The following GRIN2B variants were observed in gnomAD, a reference collection of about 807,000 sequenced individuals.
The protein encoded by GRIN2B is glutamate ionotropic receptor NMDA type subunit 2B.
In GRIN2B, 5 loss-of-function variants were observed where a neutral mutation model predicts 114.5. The observed-to-expected ratio is 0.04, with a 90% confidence interval of 0.02 to 0.09. The LOEUF (loss-of-function observed/expected upper bound fraction) is 0.09. Ranked by LOEUF, GRIN2B falls within the 10% of genes least tolerant of loss-of-function variation. The probability of loss-of-function intolerance (pLI) is 1.00; values close to 1 mark genes in which losing one functional copy is unlikely to be tolerated. For synonymous variants in GRIN2B, 787 were observed against 745.1 expected (o/e 1.06, Z -0.92); for missense variants, 1,108 against 1,943.5 (o/e 0.57, Z 8.08).
Position 13,832,965 on chromosome 12 carries a change from T to A in GRIN2B, c.411+32833A>T, listed in dbSNP as rs367837387. Among the ~76,000 whole-genome samples the A allele has an allele frequency of 8.6e-4, 131 of 152,260 alleles. 4 individuals are homozygous for A. In the South Asian group the frequency reaches 0.027, roughly 31 times the overall value. Reference sequence around the variant, plus strand: ...CACTATATATTTTAATTAAAAAAAATCGTCATTCTGATGAATAAAACATAT... The same window carrying A: ...CACTATATATTTTAATTAAAAAAAAACGTCATTCTGATGAATAAAACATAT... On this transcript the variant is annotated intron_variant, in intron 3 of 13. Transcript: ENST00000609686.
intron 2 of GRIN2B, among the ~76,000 whole-genome samples, chr12:13,880,593 CA>C (rs1393930804): frequency 7.9e-5 from 12 of 152,272 alleles, no homozygotes; most frequent in Admixed American, 6.5e-5. Flanking sequence ...CCCTGCCTCC[CA>C]AAAACAGCAA....
chr12:13,892,327 G>A (rs887568658), intron 2 of GRIN2B, among the ~76,000 whole-genome samples: 3 of 152,150 alleles, frequency 2.0e-5, no homozygotes, highest in Non-Finnish European at 4.4e-5. Context: ...TGTATTTTAT[G>A]CTTATATGTC....
At chr12:13,767,700 G>A (rs1863823890) in intron 3 of GRIN2B, among the ~76,000 whole-genome samples, 1 of 152,090 alleles carries the variant, frequency 6.6e-6, no homozygotes. Context: ...CAGATCATGG[G>A]TTAAGTTTGC....
At chr12:13,822,708 C>A (rs1355865084) in intron 3 of GRIN2B, among the ~76,000 whole-genome samples, 1 of 152,096 alleles carries the variant, frequency 6.6e-6, no homozygotes, top group Non-Finnish European at 1.5e-5. Context: ...AAGCAACAAA[C>A]ATTTAGTCTT....
At chr12:13,584,512 T>C (rs528448399) in intron 10 of GRIN2B, among the ~76,000 whole-genome samples, 4 of 152,376 alleles carry the variant, frequency 2.6e-5, no homozygotes, top group African/African-American at 9.6e-5. Flanking sequence ...TATTTAGCTG[T>C]TGATACATTA....
chr12:13,574,350 T>C (rs1948745952), intron 10 of GRIN2B, among the ~76,000 whole-genome samples: 1 of 152,186 alleles, frequency 6.6e-6, no homozygotes, highest in South Asian at 2.1e-4. Context: ...GTAGAGTAAA[T>C]AACTATGGTA....
intron 4 of GRIN2B, among the ~76,000 whole-genome samples, chr12:13,747,020 A>C (rs1319407225): frequency 6.6e-6 from 1 of 152,220 alleles, no homozygotes; most frequent in Non-Finnish European, 1.5e-5. Flanking sequence ...CCTTTAGAGC[A>C]ATGCAGAATG....
chr12:13,619,693 T>C (rs1949492281), intron 5 of GRIN2B, among the ~76,000 whole-genome samples: 1 of 152,232 alleles, frequency 6.6e-6, no homozygotes. Flanking sequence ...AGGGTATAGA[T>C]GTGCTAGGCA....
rs956657011 is a variant in GRIN2B at position 13,772,616 on chromosome 12, C to G, written c.412-18701G>C. 3.3e-5 allele frequency among the ~76,000 whole-genome samples: 5 copies of G among 152,208 alleles called. No individual in the cohort carries two copies. In the East Asian group the frequency reaches 9.7e-4, roughly 29 times the overall value. Reference sequence around the variant, plus strand: ...CACATAAAATAATGCAAAGTAATTCCTACTGATAAAGAAGCAGTATTTAAA... The same window carrying G: ...CACATAAAATAATGCAAAGTAATTCGTACTGATAAAGAAGCAGTATTTAAA... On this transcript the variant is annotated intron_variant, in intron 3 of 13. Coordinates refer to ENST00000609686, the MANE Select transcript of GRIN2B (RefSeq NM_000834.5).
intron 2 of GRIN2B, among the ~76,000 whole-genome samples, 190 bp from the exon 3 acceptor site, chr12:13,866,416 A>G (rs1324199334): frequency 6.6e-6 from 1 of 152,208 alleles, no homozygotes; most frequent in East Asian, 1.9e-4. Flanking sequence ...AACTTTCAAA[A>G]GCCTCAGAAA....
chr12:13,839,563 A>G (rs536376750), intron 3 of GRIN2B, among the ~76,000 whole-genome samples: 1 of 152,364 alleles, frequency 6.6e-6, no homozygotes, highest in East Asian at 1.9e-4. Flanking sequence ...CAGTCATTAC[A>G]TCATCCATTA....
chr12:13,657,087 A>G (rs1395336802), intron 5 of GRIN2B, among the ~76,000 whole-genome samples: 1 of 152,200 alleles, frequency 6.6e-6, no homozygotes, highest in East Asian at 1.9e-4. Flanking sequence ...GAAGGAGAGC[A>G]GGAGAGGGGC....
intron 2 of GRIN2B, among the ~76,000 whole-genome samples, chr12:13,901,657 A>C (rs767828128): frequency 1.4e-4 from 22 of 152,104 alleles, no homozygotes; most frequent in Non-Finnish European, 2.8e-4. Flanking sequence ...GTATCTTATA[A>C]ATATATTTTC....
rs186900794 is a variant in GRIN2B, at chr12:13,556,230, T to G, written c.*6553A>C. 1 of 152,252 alleles carries G rather than the reference T, an allele frequency of 6.6e-6. No individual in the cohort carries two copies. The highest frequency in any genetic ancestry group is 1.9e-4 in the East Asian group (1 of 5,190). 9.4% of individuals were successfully genotyped at this position (152,252 alleles called of 1,614,324 possible). A position where few individuals can be genotyped will look rare whatever the true frequency, so the allele number is the denominator to read the frequency against. On this transcript the variant is annotated 3_prime_UTR_variant, in exon 14 of 14. Transcript: ENST00000609686. Reference sequence around the variant, plus strand: ...CATGGGAAGCTGAATCTCTGCAATGTTTTTTCAAATAGCATAATGGATATC... The same window carrying G: ...CATGGGAAGCTGAATCTCTGCAATGGTTTTTCAAATAGCATAATGGATATC...
intron 2 of GRIN2B, among the ~76,000 whole-genome samples, chr12:13,959,054 A>C (rs958629170): frequency 1.3e-5 from 2 of 152,214 alleles, no homozygotes; most frequent in African/African-American, 4.8e-5. Context: ...GCAAGTGTAA[A>C]TTAATGTAGG....
At chr12:13,950,815 C>T (rs1867465992) in intron 2 of GRIN2B, among the ~76,000 whole-genome samples, 1 of 152,160 alleles carries the variant, frequency 6.6e-6, no homozygotes, top group South Asian at 2.1e-4. Flanking sequence ...TAAAATATTA[C>T]TTTGGTAAAG....
intron 5 of GRIN2B, among the ~76,000 whole-genome samples, chr12:13,637,577 C>T (rs1949677188): frequency 6.6e-6 from 1 of 152,102 alleles, no homozygotes; most frequent in South Asian, 2.1e-4. Flanking sequence ...GCACTTGCAG[C>T]AAAAAATAGT....
intron 3 of GRIN2B, among the ~76,000 whole-genome samples, chr12:13,817,514 C>T (rs1281927693): frequency 6.6e-6 from 1 of 152,180 alleles, no homozygotes; most frequent in Non-Finnish European, 1.5e-5. Context: ...ATAAAATAAA[C>T]TTGGGACATT....
At position 13,850,402 on chromosome 12, in the gene GRIN2B, G is replaced by A. The variant is rs192655992; in HGVS notation, c.411+15396C>T. On this transcript the variant is annotated intron_variant, in intron 3 of 13. Coordinates refer to ENST00000609686, the MANE Select transcript of GRIN2B (RefSeq NM_000834.5). ...GGATCAAATCCTGGGGCATCCAGTT[G>A]AAAGTGTTCTGGGCTTGAAGGTCTC... Among the ~76,000 whole-genome samples, 738 of 152,236 alleles carry A rather than the reference G, an allele frequency of 4.8e-3. 3 individuals carry two copies. The highest frequency in any genetic ancestry group is 0.013 in the South Asian group (64 of 4,824).
Sources: gnomAD v4.1 joint callset for allele counts (sites outside exome capture counted in the v4.1 genomes callset) on GRCh38, gnomAD v4.1.1 for gene constraint, MANE v1.5 for transcripts, NCBI Gene and HGNC (gene_info 2026-07-23, HGNC 2026-07-21) for gene names.